The following RBFOX1 variants were observed in gnomAD, a reference collection of about 807,000 sequenced individuals.
RBFOX1 encodes the protein RNA binding fox-1 homolog 1, also known as RNA binding protein fox-1 homolog 1.
In RBFOX1, 8 loss-of-function variants were observed where a neutral mutation model predicts 57.7. The ratio of observed to expected loss-of-function variants is 0.14; its 90% CI spans 0.08 to 0.25. The LOEUF (loss-of-function observed/expected upper bound fraction) is 0.25. RBFOX1 is among the 10% of genes least tolerant of loss of function. The pLI, the probability that RBFOX1 is intolerant of heterozygous loss-of-function variation, is 1.00. For synonymous variants in RBFOX1, 326 were observed against 222.4 expected, an observed-to-expected ratio of 1.47 and a Z score of -4.15; for missense variants, 611 against 548.5, an observed-to-expected ratio of 1.11 and a Z score of -1.14.
chr16:6,722,929 AG>A (rs1283808471), intron 3 of RBFOX1, among the ~76,000 whole-genome samples: 1 of 152,142 alleles, frequency 6.6e-6, no homozygotes, highest in Non-Finnish European at 1.5e-5. Context: ...GTTGGGGACT[AG>A]GGGGCCCTCT....
chr16:7,591,153 G>T (rs2094424666), intron 7 of RBFOX1, among the ~76,000 whole-genome samples: 2 of 152,132 alleles, frequency 1.3e-5, no homozygotes, highest in Admixed American at 6.5e-5. Flanking sequence ...AGTTGCGTAA[G>T]AATTTCCCAG....
chr16:5,246,668 TTTTTCTTTC>T (rs959015752), intron 1 of RBFOX1, among the ~76,000 whole-genome samples: 2 of 151,434 alleles, frequency 1.3e-5, no homozygotes, highest in African/African-American at 4.9e-5. Flanking sequence ...TTTAATTTTC[TTTTTCTTTC>T]TTTTTTTTTT....
intron 3 of RBFOX1, among the ~76,000 whole-genome samples, chr16:5,732,713 C>G (rs1481949404): frequency 6.6e-6 from 1 of 152,130 alleles, no homozygotes; most frequent in Non-Finnish European, 1.5e-5. Flanking sequence ...CACCCATTTA[C>G]TTAACAATTA....
chr16:7,301,970 A>G (rs2142031708), intron 4 of RBFOX1, among the ~76,000 whole-genome samples: 1 of 152,310 alleles, frequency 6.6e-6, no homozygotes, highest in Admixed American at 6.5e-5. Flanking sequence ...TTCTTATATT[A>G]TTTGTTAATC....
At chr16:5,952,704 C>G (rs1234878107) in intron 4 of RBFOX1, among the ~76,000 whole-genome samples, 1 of 152,180 alleles carries the variant, frequency 6.6e-6, no homozygotes, top group Non-Finnish European at 1.5e-5. Context: ...TGGTGTGACA[C>G]AGAATTCTTC....
chr16:6,957,587 T>C (rs1320127633), intron 3 of RBFOX1, among the ~76,000 whole-genome samples: 1 of 152,148 alleles, frequency 6.6e-6, no homozygotes, highest in Admixed American at 6.6e-5. Flanking sequence ...TGGTGGGTTA[T>C]GGCATCTTTA....
chr16:5,497,816 A>G (rs1323733545), intron 2 of RBFOX1, among the ~76,000 whole-genome samples: 1 of 152,090 alleles, frequency 6.6e-6, no homozygotes, highest in African/African-American at 2.4e-5. Flanking sequence ...ACAGATTCTG[A>G]TAATTGTCCC....
intron 2 of RBFOX1, among the ~76,000 whole-genome samples, chr16:6,653,155 C>T (rs2098610729): frequency 6.6e-6 from 1 of 152,178 alleles, no homozygotes; most frequent in Non-Finnish European, 1.5e-5. Flanking sequence ...CCCTAACTTC[C>T]TTCAAGCCTT....
intron 3 of RBFOX1, among the ~76,000 whole-genome samples, chr16:6,904,077 A>G (rs933532746): frequency 1.3e-5 from 2 of 152,184 alleles, no homozygotes; most frequent in African/African-American, 4.8e-5. Context: ...CTGTGCGGGT[A>G]CAGCAAGTCG....
intron 3 of RBFOX1, among the ~76,000 whole-genome samples, chr16:5,822,625 A>T (rs1320889592): frequency 6.6e-6 from 1 of 152,216 alleles, no homozygotes; most frequent in African/African-American, 2.4e-5. Context: ...TGATAGGTAC[A>T]TTTAAAATAC....
At chr16:6,521,529 C>T (rs912033634) in intron 2 of RBFOX1, among the ~76,000 whole-genome samples, 1 of 145,440 alleles carries the variant, frequency 6.9e-6, no homozygotes, top group African/African-American at 2.7e-5. Flanking sequence ...TTCCCTCCCT[C>T]CTTCCTCTCC....
At chr16:7,459,349 T>A (rs2059130256) in intron 4 of RBFOX1, among the ~76,000 whole-genome samples, 1 of 152,222 alleles carries the variant, frequency 6.6e-6, no homozygotes. Flanking sequence ...GGGCAATTGT[T>A]ACCTTGCACT....
At chr16:6,488,897 C>T (rs975192672) in intron 2 of RBFOX1, among the ~76,000 whole-genome samples, 1 of 152,154 alleles carries the variant, frequency 6.6e-6, no homozygotes, top group Non-Finnish European at 1.5e-5. Flanking sequence ...CTAATATAAA[C>T]ATGGTCTGAT....
chr16:6,686,661 A>G (rs1035531503), intron 3 of RBFOX1, among the ~76,000 whole-genome samples: 20 of 152,194 alleles, frequency 1.3e-4, no homozygotes, highest in Non-Finnish European at 2.4e-4. Flanking sequence ...CTTTTGAGAC[A>G]CAAAGGTAAG....
At chr16:7,018,868 C>G (rs59735655) in intron 3 of RBFOX1, among the ~76,000 whole-genome samples, 3 of 151,948 alleles carry the variant, frequency 2.0e-5, no homozygotes, top group Non-Finnish European at 1.5e-5. Context: ...ACTGTAATCT[C>G]AGCACATTGG....
chr16:7,709,444 G>C, intron 15 of RBFOX1: 1 of 1,378,166 alleles, frequency 7.3e-7, no homozygotes, highest in Non-Finnish European at 9.5e-7. Flanking sequence ...TGTCAATGCA[G>C]AACTTTTTTT....
chr16:6,488,000 C>T (rs1322482708), intron 2 of RBFOX1, among the ~76,000 whole-genome samples: 2 of 151,988 alleles, frequency 1.3e-5, no homozygotes, highest in African/African-American at 2.4e-5. Flanking sequence ...TGTACACAGA[C>T]ACAGATATAC....
chr16:7,391,710 C>G (rs146163957), intron 4 of RBFOX1, among the ~76,000 whole-genome samples: 52 of 152,256 alleles, frequency 3.4e-4, no homozygotes, highest in African/African-American at 1.1e-3. Context: ...CAGATGAGGA[C>G]CAAATGTGTT....
At chr16:6,514,182 A>G (rs1386870033) in intron 2 of RBFOX1, among the ~76,000 whole-genome samples, 6 of 152,110 alleles carry the variant, frequency 3.9e-5, no homozygotes, top group Non-Finnish European at 8.8e-5. Flanking sequence ...CACTTACTGA[A>G]AGGCTTATCT....
Sources: allele counts gnomAD v4.1 joint callset (sites outside exome capture counted in the v4.1 genomes callset), GRCh38; gene constraint gnomAD v4.1.1; transcripts MANE v1.5; gene names NCBI Gene and HGNC (gene_info 2026-07-23, HGNC 2026-07-21).